Variants in IMPG2 observed in about 807,000 individuals in gnomAD.
The protein encoded by IMPG2 is interphotoreceptor matrix proteoglycan 2, also known as IPM 200.
A neutral mutation model predicts 129.2 loss-of-function variants in IMPG2; 91 were observed. The ratio of observed to expected loss-of-function variants is 0.70; its 90% confidence interval spans 0.59 to 0.84. The LOEUF is 0.84. Ranked by LOEUF, IMPG2 falls within the 40% of genes least tolerant of loss-of-function variation. The pLI is 0.00. For synonymous variants in IMPG2, 510 were observed against 517.7 expected (o/e 0.99, Z 0.20); for missense variants, 1,430 against 1,461.7 (o/e 0.98, Z 0.35).
In IMPG2 at chr3:101,253,768, C is replaced by G. The variant is rs753305302; in HGVS notation, c.1167G>C (p.Leu389Phe). ...AAACTAGATCTTCAGTTTGGTGACGCAAAACTCCTCTCACTGAGGAAAGAA... is the reference window on the plus strand; with the variant it reads ...AAACTAGATCTTCAGTTTGGTGACGGAAAACTCCTCTCACTGAGGAAAGAA... ...SLQLINVRGV[L>F]RHQTEDLVWN... Residue 389 changes from leucine to phenylalanine, a missense_variant, in exon 11 of 19, where the codon TTG becomes TTC. Coordinates refer to ENST00000193391, the MANE Select transcript of IMPG2 (RefSeq NM_016247.4). 3.7e-6 allele frequency: 6 copies of G among 1,609,714 alleles called. No individual in the cohort carries two copies. The East Asian group carries it at 1.1e-4, about 30-fold the overall frequency.
At chr3:101,271,767 G>A (rs1464890332) in intron 7 of IMPG2, among the ~76,000 whole-genome samples, 3 of 152,158 alleles carry the variant, frequency 2.0e-5, no homozygotes, top group African/African-American at 4.8e-5. Flanking sequence ...TTAAAAGGAA[G>A]GGGACTCTGT....
chr3:101,249,195 T>G (rs917486331), intron 11 of IMPG2, among the ~76,000 whole-genome samples: 1 of 152,176 alleles, frequency 6.6e-6, no homozygotes, highest in African/African-American at 2.4e-5. Context: ...TCAACATTCT[T>G]TTTTTGCTCC....
Position 101,244,578 on chromosome 3 carries a change from A to C in IMPG2, c.1753T>G (p.Phe585Val), listed in dbSNP as rs2107220732. 1 of 1,594,400 alleles carries C rather than the reference A, an allele frequency of 6.3e-7. No homozygotes were observed. Among genetic ancestry groups the C allele is most frequent in the Non-Finnish European group, 8.5e-7 (1 of 1,170,982 alleles). The change falls in exon 13 of 19, where the codon TTC (phenylalanine) becomes GTC (valine). Residue 585 changes from phenylalanine to valine, a missense_variant. Coordinates refer to ENST00000193391, the MANE Select transcript of IMPG2 (RefSeq NM_016247.4). ...KVKDQLKVSP[F>V]LPDASMEKEL... ...TTTTCCATGGATGCATCTGGCAGGA[A>C]AGGGCTCACTTTTAATTGGTCTTTG...
In IMPG2 at chr3:101,276,682, C is replaced by T; in HGVS notation, c.565G>A (p.Asp189Asn). ...SELSSPVPVG[D>N]TSTLGDTTLS... The stretch of plus-strand genomic sequence containing the variant: ...AGTATACCTCCCAATGTTGAAGTAT[C>T]ACCAACAGGAACTGGAGAAGACAGT... Residue 189 changes from aspartate to asparagine, a missense_variant, in exon 5 of 19, where the codon GAT becomes AAT. By Grantham distance (23) the Asp-to-Asn change is conservative. Transcript: ENST00000193391. 6.2e-7 allele frequency: 1 copy of T among 1,609,422 alleles called. No homozygotes were observed.
chr3:101,251,975 C>T (rs1706549233), intron 11 of IMPG2, among the ~76,000 whole-genome samples: 1 of 152,094 alleles, frequency 6.6e-6, no homozygotes, highest in Non-Finnish European at 1.5e-5. Context: ...TCTTATCTCC[C>T]ATTAACGTTC....
At chr3:101,252,944 T>C (rs996333782) in intron 11 of IMPG2, among the ~76,000 whole-genome samples, 1 of 152,186 alleles carries the variant, frequency 6.6e-6, no homozygotes, top group Non-Finnish European at 1.5e-5. Context: ...TTGTATATGA[T>C]AACAAAAGAT....
chr3:101,260,676 A>G (rs1706659665), intron 9 of IMPG2, among the ~76,000 whole-genome samples: 1 of 152,080 alleles, frequency 6.6e-6, no homozygotes, highest in African/African-American at 2.4e-5. Flanking sequence ...CCACATACAC[A>G]TGTACACACA....
intron 3 of IMPG2, among the ~76,000 whole-genome samples, chr3:101,297,822 C>T (rs1393826864): frequency 4.6e-5 from 7 of 152,144 alleles, no homozygotes; most frequent in South Asian, 4.1e-4. Context: ...CTTCCAGTTA[C>T]GTGATCAATT....
chr3:101,314,423 G>A (rs2058772840), intron 2 of IMPG2, among the ~76,000 whole-genome samples: 1 of 152,068 alleles, frequency 6.6e-6, no homozygotes, highest in African/African-American at 2.4e-5. Context: ...GCTGTGGATG[G>A]CTTCACTCCC....
chr3:101,317,267 A>G (rs2058789783), intron 2 of IMPG2, among the ~76,000 whole-genome samples: 2 of 152,078 alleles, frequency 1.3e-5, no homozygotes, highest in African/African-American at 2.4e-5. Context: ...TATATTTTAA[A>G]AAGTCCAACA....
chr3:101,241,568 G>A (rs1350418302), intron 14 of IMPG2, among the ~76,000 whole-genome samples: 1 of 152,178 alleles, frequency 6.6e-6, no homozygotes, highest in African/African-American at 2.4e-5. Flanking sequence ...GAGCACGAGA[G>A]GATGTGGGGA....
intron 9 of IMPG2, among the ~76,000 whole-genome samples, chr3:101,260,894 A>C (rs1706662107): frequency 6.6e-6 from 1 of 152,178 alleles, no homozygotes; most frequent in South Asian, 2.1e-4. Flanking sequence ...ATACTTGTGA[A>C]AATAATGAAG....
intron 9 of IMPG2, among the ~76,000 whole-genome samples, chr3:101,260,732 T>C (rs1431205094): frequency 6.6e-6 from 1 of 152,166 alleles, no homozygotes; most frequent in Non-Finnish European, 1.5e-5. Flanking sequence ...TTACTTCAGC[T>C]TAGCTGTCAT....
At chr3:101,268,167 G>A (rs1166574046) in intron 8 of IMPG2, among the ~76,000 whole-genome samples, 1 of 152,138 alleles carries the variant, frequency 6.6e-6, no homozygotes, top group Non-Finnish European at 1.5e-5. Flanking sequence ...TTTTAATAAA[G>A]CAGGATTAAG....
chr3:101,243,680 G>A lies in IMPG2; in HGVS notation c.2651C>T (p.Thr884Ile). 1 of 1,614,072 alleles carries A rather than the reference G, an allele frequency of 6.2e-7. No homozygotes were observed. The highest frequency in any genetic ancestry group is 1.1e-5 in the South Asian group (1 of 91,072). ...ATAACTCAAGTCATCTCCTCCTTCT[G>A]TGGGCCAAGCCACACTAACCATCTC... ...STEMVSVAWP[T>I]EGGDDLSYTQ... The change falls in exon 13 of 19, where the codon ACA (threonine) becomes ATA (isoleucine). Residue 884 changes from threonine (T) to isoleucine (I), a missense_variant. By Grantham distance (89) the Thr-to-Ile change is moderately conservative (BLOSUM62 -1). Coordinates refer to ENST00000193391, the MANE Select transcript of IMPG2 (RefSeq NM_016247.4).
chr3:101,225,305 T>C lies in IMPG2; in HGVS notation c.*1664A>G, dbSNP rs1274949577. The C allele has an allele frequency of 6.6e-6, 1 of 152,234 alleles. No individual in the cohort carries two copies. The highest frequency in any genetic ancestry group is 1.5e-5 in the Non-Finnish European group (1 of 68,038). 9.4% of individuals were successfully genotyped at this position (152,234 alleles called of 1,614,324 possible). On this transcript the variant is annotated 3_prime_UTR_variant, in exon 19 of 19. Transcript: ENST00000193391. ...TGGAAAGTGTACCTATACTGAACTG[T>C]TAGAGGATCCATTATGTGAGTAGGG... is the stretch of plus-strand genomic sequence containing the variant.
intron 14 of IMPG2, among the ~76,000 whole-genome samples, chr3:101,235,889 G>A (rs1706340145): frequency 1.3e-5 from 2 of 151,006 alleles, no homozygotes; most frequent in South Asian, 4.2e-4. Context: ...ACAGCTTTAT[G>A]GCCTGAGCAA....
At chr3:101,260,794 T>C (rs1221857842) in intron 9 of IMPG2, among the ~76,000 whole-genome samples, 1 of 152,202 alleles carries the variant, frequency 6.6e-6, no homozygotes, top group Non-Finnish European at 1.5e-5. Context: ...GCTCATGTTC[T>C]ATCTCCTCAC....
At chr3:101,282,560 T>C (rs565290102) in intron 4 of IMPG2, among the ~76,000 whole-genome samples, 2 of 152,210 alleles carry the variant, frequency 1.3e-5, no homozygotes, top group African/African-American at 4.8e-5. Context: ...ACATGATACA[T>C]ACAGTCAGTT....
Sources: gnomAD v4.1 joint callset for allele counts (sites outside exome capture counted in the v4.1 genomes callset) on GRCh38, gnomAD v4.1.1 for gene constraint, MANE v1.5 for transcripts, NCBI Gene and HGNC (gene_info 2026-07-23, HGNC 2026-07-21) for gene names.